MARK2: variants seen among roughly 807,000 people sequenced by gnomAD.
MARK2 encodes the protein serine/threonine-protein kinase MARK2.
A neutral mutation model predicts 89.8 loss-of-function variants in MARK2; 16 were observed. The ratio of observed to expected loss-of-function variants is 0.18; its 90% CI spans 0.12 to 0.27. The LOEUF is 0.27. Among genes scored for constraint, MARK2 ranks in the 10% least tolerant of loss-of-function variants. The pLI, the probability that MARK2 is intolerant of heterozygous loss-of-function variation, is 1.00. For synonymous variants in MARK2, 382 were observed against 399.5 expected (o/e 0.96, Z 0.52); for missense variants, 621 against 1,049.9 (o/e 0.59, Z 5.65).
intron 1 of MARK2, among the ~76,000 whole-genome samples, chr11:63,879,663 C>T (rs1455717793): frequency 6.6e-6 from 1 of 151,854 alleles, no homozygotes; most frequent in South Asian, 2.1e-4. Flanking sequence ...GAAAGATTGG[C>T]CAGTTGGATT....
At chr11:63,875,320 C>T (rs1353561316) in intron 1 of MARK2, among the ~76,000 whole-genome samples, 1 of 151,870 alleles carries the variant, frequency 6.6e-6, no homozygotes, top group East Asian at 1.9e-4. Context: ...GGGGTTACAC[C>T]ATGTTGTTCA....
chr11:63,899,549 C>T (rs985603263), intron 7 of MARK2, among the ~76,000 whole-genome samples: 1 of 152,224 alleles, frequency 6.6e-6, no homozygotes, highest in African/African-American at 2.4e-5. Context: ...AGTTTGAGGA[C>T]ACCTGTGGGT....
intron 1 of MARK2, among the ~76,000 whole-genome samples, chr11:63,844,566 G>A (rs918121928): frequency 1.2e-4 from 18 of 152,160 alleles, no homozygotes; most frequent in African/African-American, 4.1e-4. Flanking sequence ...GTTGAAACTC[G>A]GCCTGCTGCA....
In MARK2 at chr11:63,900,984, G is replaced by A. The variant is rs1425998930; in HGVS notation, c.1016G>A (p.Arg339Gln). ...TELMVSMGYT[R>Q]EEIQDSLVGQ... ...CTGATGGTGTCCATGGGTTATACAC[G>A]GGAAGAGATCCAGGACTCGCTGGTG... Residue 339 changes from arginine to glutamine, a missense_variant, in exon 11 of 19, where the codon CGG becomes CAG. This residue lies in a region of MARK2 where 397 missense variants were observed against 567.8 expected (regional missense o/e 0.70). Coordinates refer to ENST00000402010, the MANE Select transcript of MARK2 (RefSeq NM_001039469.3). The surrounding 1 kb of genome is among the most constrained non-coding windows in gnomAD (Gnocchi z 4.7). 5.0e-6 allele frequency: 8 copies of A among 1,614,036 alleles called. No individual in the cohort carries two copies. The highest frequency in any genetic ancestry group is 2.2e-5 in the East Asian group (1 of 44,886).
At chr11:63,906,140 T>C in intron 17 of MARK2, 26 bp downstream of exon 17, 1 of 1,291,220 alleles carries the variant, frequency 7.7e-7, no homozygotes, top group Non-Finnish European at 9.9e-7. Flanking sequence ...GCTGTGTGTG[T>C]GTGTGTGTGT....
At chr11:63,877,033 G>C (rs1938800410) in intron 1 of MARK2, among the ~76,000 whole-genome samples, 1 of 149,604 alleles carries the variant, frequency 6.7e-6, no homozygotes, top group Non-Finnish European at 1.5e-5. Context: ...AGGTTAGAAA[G>C]CTCAAAGCCC....
intron 1 of MARK2, among the ~76,000 whole-genome samples, chr11:63,894,783 C>T (rs990455846): frequency 2.0e-5 from 3 of 152,172 alleles, no homozygotes; most frequent in Non-Finnish European, 4.4e-5. Flanking sequence ...ATGTAGCTAC[C>T]ATGACTTTGA....
intron 1 of MARK2, among the ~76,000 whole-genome samples, chr11:63,877,469 C>T (rs1938837104): frequency 6.6e-6 from 1 of 151,972 alleles, no homozygotes; most frequent in South Asian, 2.1e-4. Flanking sequence ...GCCTTTTGGC[C>T]AGATGCAGTG....
At position 63,910,903 on chromosome 11, in the gene MARK2, A is replaced by AG. The variant is rs1242761740; in HGVS notation, c.*1670dup. 1 of 152,238 alleles carries AG rather than the reference A, an allele frequency of 6.6e-6. No homozygotes were observed. Among genetic ancestry groups the AG allele is most frequent in the Non-Finnish European group, 1.5e-5 (1 of 68,074 alleles). The allele number at this position is 152,238 out of a possible 1,614,324, so 9.4% of individuals were successfully genotyped here. On this transcript the variant is annotated 3_prime_UTR_variant, in exon 19 of 19. Transcript: ENST00000402010. ...GCATGGCTTGGCTCCCAAAGGGGGT[A>AG]GGGGCCCGGGGCACCCAGGCAAGGT...
chr11:63,849,637 C>G (rs2016464805), intron 1 of MARK2, among the ~76,000 whole-genome samples: 1 of 152,176 alleles, frequency 6.6e-6, no homozygotes, highest in Non-Finnish European at 1.5e-5. Context: ...CCTATAGTCC[C>G]AGCTACTCGG....
At position 63,853,124 on chromosome 11, in the gene MARK2, C is replaced by T. The variant is rs146276349; in HGVS notation, c.54+13564C>T. Among the ~76,000 whole-genome samples the T allele has an allele frequency of 2.6e-3, 393 of 152,270 alleles. 2 individuals carry two copies. Among genetic ancestry groups the T allele is most frequent in the Middle Eastern group, 0.017 (5 of 294 alleles). On this transcript the variant is annotated intron_variant, in intron 1 of 18. Coordinates refer to ENST00000402010, the MANE Select transcript of MARK2 (RefSeq NM_001039469.3). Reference sequence around the variant, plus strand: ...TCATTAAATTAAAGATTTAGCCAGGCGCGGTGGCTCATGCCTGTAATCCCA... The same window carrying T: ...TCATTAAATTAAAGATTTAGCCAGGTGCGGTGGCTCATGCCTGTAATCCCA...
chr11:63,846,935 C>T (rs1211089674), intron 1 of MARK2, among the ~76,000 whole-genome samples: 16 of 152,130 alleles, frequency 1.1e-4, no homozygotes, highest in Admixed American at 7.9e-4. Flanking sequence ...GGATTACAGG[C>T]GGGAGCCACC....
At chr11:63,906,030 T>G in intron 16 of MARK2, 58 bp from the exon 17 acceptor site, 7 of 1,324,354 alleles carry the variant, frequency 5.3e-6, no homozygotes, top group South Asian at 2.1e-5. Flanking sequence ...CATACCGTCT[T>G]GTTGGTTTTT....
In MARK2 at chr11:63,898,545, G is replaced by T. The variant is rs1204548546; in HGVS notation, c.338-63G>T. On this transcript the variant is annotated intron_variant, in intron 4 of 18. Transcript: ENST00000402010. ...TCGTTCCTAGGATGCTCCTGGACAT[G>T]TTGGAGAGCAGTATGTGGCCCCTGT... The T allele has an allele frequency of 2.3e-6, 3 of 1,278,310 alleles. No individual in the cohort carries two copies. In the Admixed American group the frequency reaches 5.1e-5, roughly 22 times the overall value. 79.2% of individuals were successfully genotyped at this position (1,278,310 alleles called of 1,614,324 possible). A position where few individuals can be genotyped will look rare whatever the true frequency, so the allele number is the denominator to read the frequency against.
chr11:63,900,543 C>T lies in MARK2; in HGVS notation c.769-16C>T. 6.2e-7 allele frequency: 1 copy of T among 1,613,360 alleles called. No individual in the cohort carries two copies. Among genetic ancestry groups the T allele is most frequent in the Non-Finnish European group, 8.5e-7 (1 of 1,179,558 alleles). ...TTGGGGTGATTTCAATTTTCTAACCCTGGATCCTCCTGCAGGAGCTGCGGG... is the reference window on the plus strand; with the variant it reads ...TTGGGGTGATTTCAATTTTCTAACCTTGGATCCTCCTGCAGGAGCTGCGGG... On this transcript the variant is annotated splice_polypyrimidine_tract_variant and intron_variant, in intron 8 of 18. Transcript: ENST00000402010. This position sits in a 1 kb window ranked among gnomAD's most constrained non-coding sequence, Gnocchi z 4.7.
At chr11:63,873,861 G>A (rs1250257870) in intron 1 of MARK2, among the ~76,000 whole-genome samples, 1 of 152,196 alleles carries the variant, frequency 6.6e-6, no homozygotes, top group Non-Finnish European at 1.5e-5. Flanking sequence ...TGGCCAGGCT[G>A]GTCTTGAACT....
intron 1 of MARK2, among the ~76,000 whole-genome samples, chr11:63,849,714 C>G (rs1039911433): frequency 6.6e-6 from 1 of 152,206 alleles, no homozygotes; most frequent in Non-Finnish European, 1.5e-5. Flanking sequence ...GATCATGCCA[C>G]TGCACTCCAG....
At position 63,903,861 on chromosome 11, in the gene MARK2, A is replaced by G; in HGVS notation, c.1515-125A>G. On this transcript the variant is annotated intron_variant, in intron 14 of 18. Transcript: ENST00000402010. This position sits in a 1 kb window ranked among gnomAD's most constrained non-coding sequence, Gnocchi z 5.1. ...TCTGACTTGCATCCCGCTGCTGCCC[A>G]GGCCTGACTTCTACCCTGCCAGAGC... 5.7e-6 allele frequency: 4 copies of G among 700,952 alleles called. No individual in the cohort carries two copies. Among genetic ancestry groups the G allele is most frequent in the South Asian group, 2.0e-5 (1 of 49,442 alleles). The allele number at this position is 700,952 out of a possible 1,614,324, so 43.4% of individuals were successfully genotyped here. A position where few individuals can be genotyped will look rare whatever the true frequency, so the allele number is the denominator to read the frequency against.
chr11:63,880,906 G>A (rs912918000), intron 1 of MARK2, among the ~76,000 whole-genome samples: 6 of 152,244 alleles, frequency 3.9e-5, no homozygotes, highest in East Asian at 3.8e-4. Flanking sequence ...CCCAGAGACC[G>A]TCATGAAGAC....
Sources: allele counts gnomAD v4.1 joint callset (sites outside exome capture counted in the v4.1 genomes callset), GRCh38; gene constraint gnomAD v4.1.1; regional missense constraint gnomAD v4.1.1; non-coding constraint Gnocchi (gnomAD v3.1); transcripts MANE v1.5; gene names NCBI Gene and HGNC (gene_info 2026-07-23, HGNC 2026-07-21).